The following DPP10 variants were observed in gnomAD, a reference collection of about 807,000 sequenced individuals.
The protein encoded by DPP10 is dipeptidyl peptidase like 10, also known as inactive dipeptidyl peptidase 10.
Under a neutral mutation model 120.9 loss-of-function variants are expected in DPP10, and 33 were observed. The ratio of observed to expected loss-of-function variants is 0.27; its 90% CI spans 0.21 to 0.37. DPP10 has a LOEUF of 0.37. Among genes scored for constraint, DPP10 ranks in the 10% least tolerant of loss-of-function variants. The pLI, the probability that DPP10 is intolerant of heterozygous loss-of-function variation, is 1.00. For synonymous variants in DPP10, 337 were observed against 326.1 expected (o/e 1.03, Z -0.36); for missense variants, 816 against 942.8 (o/e 0.87, Z 1.76).
chr2:114,603,967 A>G (rs1370429795), intron 1 of DPP10, among the ~76,000 whole-genome samples: 1 of 152,096 alleles, frequency 6.6e-6, no homozygotes, highest in Non-Finnish European at 1.5e-5. Flanking sequence ...ACAAAGGGAA[A>G]GGTACATGGG....
intron 1 of DPP10, among the ~76,000 whole-genome samples, chr2:115,256,429 G>GAA (rs2058990800): frequency 1.3e-5 from 2 of 152,164 alleles, no homozygotes; most frequent in Admixed American, 6.5e-5. Flanking sequence ...CGAGGCTTAT[G>GAA]GCATGCCTTC....
At chr2:115,727,629 T>C (rs2092797454) in intron 7 of DPP10, among the ~76,000 whole-genome samples, 187 bp from the exon 8 acceptor site, 1 of 152,098 alleles carries the variant, frequency 6.6e-6, no homozygotes, top group Non-Finnish European at 1.5e-5. Context: ...CAACTTGATA[T>C]TGATACAATA....
At chr2:115,841,228 TATG>T (rs1231832171) in intron 25 of DPP10, among the ~76,000 whole-genome samples, 1 of 151,862 alleles carries the variant, frequency 6.6e-6, no homozygotes, top group Non-Finnish European at 1.5e-5. Flanking sequence ...TATTTTTAAA[TATG>T]ATAATTTATA....
At chr2:115,199,048 A>T (rs1236043220) in intron 1 of DPP10, among the ~76,000 whole-genome samples, 1 of 152,144 alleles carries the variant, frequency 6.6e-6, no homozygotes, top group African/African-American at 2.4e-5. Context: ...GATAATGTAG[A>T]TAATAATAGT....
chr2:115,607,646 A>T (rs1178481428), intron 5 of DPP10, among the ~76,000 whole-genome samples: 1 of 152,138 alleles, frequency 6.6e-6, no homozygotes, highest in Non-Finnish European at 1.5e-5. Context: ...TACTTATTTA[A>T]TGTGAATCTG....
At chr2:114,863,200 A>G (rs952446228) in intron 1 of DPP10, among the ~76,000 whole-genome samples, 2 of 152,216 alleles carry the variant, frequency 1.3e-5, no homozygotes, top group African/African-American at 4.8e-5. Context: ...GATGGCTAAT[A>G]ACTCTCAAGA....
At chr2:115,689,787 T>C (rs943994726) in intron 6 of DPP10, 48 bp downstream of exon 6, 2 of 1,608,872 alleles carry the variant, frequency 1.2e-6, no homozygotes, top group Non-Finnish European at 1.7e-6. Flanking sequence ...TGTTACTAAA[T>C]TGTTGGTGTA....
chr2:114,838,970 T>C (rs907773596), intron 1 of DPP10, among the ~76,000 whole-genome samples: 11 of 152,220 alleles, frequency 7.2e-5, no homozygotes, highest in African/African-American at 2.7e-4. Context: ...ACATATCCTC[T>C]GTACTCTATT....
intron 1 of DPP10, among the ~76,000 whole-genome samples, chr2:114,777,802 G>C (rs1265929704): frequency 6.6e-6 from 1 of 152,032 alleles, no homozygotes; most frequent in Non-Finnish European, 1.5e-5. Flanking sequence ...GAAATCCTTT[G>C]AGCCGCAGAA....
At chr2:114,595,227 A>G (rs1691811759) in intron 1 of DPP10, among the ~76,000 whole-genome samples, 1 of 152,074 alleles carries the variant, frequency 6.6e-6, no homozygotes, top group Admixed American at 6.6e-5. Context: ...CAGACCACAT[A>G]TTGAGAAACA....
At chr2:115,811,159 A>G (rs1053012222) in intron 19 of DPP10, among the ~76,000 whole-genome samples, 7 of 152,206 alleles carry the variant, frequency 4.6e-5, no homozygotes, top group Non-Finnish European at 8.8e-5. Flanking sequence ...ATCATAATCC[A>G]TGTTCTTTTA....
intron 1 of DPP10, among the ~76,000 whole-genome samples, chr2:114,695,306 A>C (rs967081578): frequency 1.3e-5 from 2 of 152,020 alleles, no homozygotes; most frequent in African/African-American, 4.8e-5. Context: ...AGTTGTAATA[A>C]CCACATCTCA....
chr2:115,118,501 G>A (rs985986470), intron 1 of DPP10, among the ~76,000 whole-genome samples: 1 of 152,166 alleles, frequency 6.6e-6, no homozygotes, highest in African/African-American at 2.4e-5. Flanking sequence ...CTAACTGGAG[G>A]AAAAAATTTG....
intron 1 of DPP10, among the ~76,000 whole-genome samples, chr2:114,525,341 T>A (rs1685415557): frequency 6.6e-6 from 1 of 152,210 alleles, no homozygotes; most frequent in African/African-American, 2.4e-5. Flanking sequence ...CCCTCTTCAG[T>A]ACACTTGAGT....
chr2:115,206,339 G>T (rs779008393), intron 1 of DPP10, among the ~76,000 whole-genome samples: 4 of 152,076 alleles, frequency 2.6e-5, no homozygotes, highest in Non-Finnish European at 5.9e-5. Flanking sequence ...ATTTTCTAGT[G>T]TGACTTTCAA....
intron 1 of DPP10, among the ~76,000 whole-genome samples, chr2:115,244,196 C>CTATA (rs1387174433): frequency 2.5e-5 from 3 of 121,486 alleles, no homozygotes; most frequent in East Asian, 2.4e-4. Context: ...GTCTCAGTGT[C>CTATA]TATATATATA....
At chr2:114,796,420 G>C (rs573155701) in intron 1 of DPP10, among the ~76,000 whole-genome samples, 1 of 151,824 alleles carries the variant, frequency 6.6e-6, no homozygotes, top group African/African-American at 2.4e-5. Context: ...TCTTCCTTAT[G>C]ATTTTAACAT....
chr2:114,767,284 G>GAT (rs1680816753), intron 1 of DPP10, among the ~76,000 whole-genome samples: 1 of 125,602 alleles, frequency 8.0e-6, no homozygotes. Flanking sequence ...CAAAAATAAA[G>GAT]ATATATAATA....
chr2:115,653,701 C>A (rs192425503), intron 5 of DPP10, among the ~76,000 whole-genome samples: 1 of 151,832 alleles, frequency 6.6e-6, no homozygotes, highest in Admixed American at 6.6e-5. Context: ...ACTAGTGAAT[C>A]CTCTTCCCTA....
Sources: gnomAD v4.1 joint callset for allele counts (sites outside exome capture counted in the v4.1 genomes callset) on GRCh38, gnomAD v4.1.1 for gene constraint, MANE v1.5 for transcripts, NCBI Gene and HGNC (gene_info 2026-07-23, HGNC 2026-07-21) for gene names.